Variants in RALYL observed in about 807,000 individuals in gnomAD.
The protein encoded by RALYL is RNA-binding Raly-like protein.
RALYL carries 29 observed loss-of-function variants against 35.1 expected under a neutral mutation model. The ratio of observed to expected loss-of-function variants is 0.83; its 90% CI spans 0.61 to 1.13. RALYL has a LOEUF of 1.13. Ranked by LOEUF, RALYL falls within the 50% of genes most tolerant of loss-of-function variation. The probability of loss-of-function intolerance (pLI) is 0.00; values close to 1 mark genes in which losing one functional copy is unlikely to be tolerated. For synonymous variants in RALYL, 120 were observed against 127.6 expected, an observed-to-expected ratio of 0.94 and a Z score of 0.40; for missense variants, 359 against 360.4, an observed-to-expected ratio of 1.00 and a Z score of 0.03.
intron 1 of RALYL, among the ~76,000 whole-genome samples, chr8:84,428,201 AATAT>A (rs1447014543): frequency 3.9e-5 from 6 of 151,952 alleles, no homozygotes; most frequent in Admixed American, 2.0e-4. Context: ...AACTCTATAG[AATAT>A]ATAAACTATT....
intron 1 of RALYL, among the ~76,000 whole-genome samples, chr8:84,284,054 G>T (rs1585925076): frequency 6.6e-6 from 1 of 152,138 alleles, no homozygotes; most frequent in African/African-American, 2.4e-5. Context: ...TTGTTGTAAA[G>T]ACTAAAGAAA....
chr8:84,662,456 A>G (rs1445572716), intron 2 of RALYL, among the ~76,000 whole-genome samples: 1 of 152,138 alleles, frequency 6.6e-6, no homozygotes, highest in Admixed American at 6.6e-5. Flanking sequence ...ATGTTTTTAG[A>G]TGTGATATAA....
intron 1 of RALYL, among the ~76,000 whole-genome samples, chr8:84,449,931 C>G (rs1394931619): frequency 6.6e-6 from 1 of 151,760 alleles, no homozygotes; most frequent in Non-Finnish European, 1.5e-5. Flanking sequence ...ACTAAGAAAT[C>G]TATAATTCAG....
chr8:84,364,027 AAGTTACCTAT>A (rs1563794217), intron 1 of RALYL, among the ~76,000 whole-genome samples: 1 of 152,110 alleles, frequency 6.6e-6, no homozygotes, highest in Non-Finnish European at 1.5e-5. Context: ...TCTACAACTC[AAGTTACCTAT>A]AGTCTTGTTA....
At chr8:84,791,798 AC>A (rs892936680) in intron 3 of RALYL, among the ~76,000 whole-genome samples, 2 of 152,200 alleles carry the variant, frequency 1.3e-5, no homozygotes, top group African/African-American at 2.4e-5. Flanking sequence ...TTAAAAAAAA[AC>A]ATTTTTGTCA....
intron 1 of RALYL, among the ~76,000 whole-genome samples, chr8:84,347,884 T>C (rs754253279): frequency 6.6e-6 from 1 of 152,076 alleles, no homozygotes; most frequent in African/African-American, 2.4e-5. Context: ...AATTCATGAG[T>C]TGGGCAGCAC....
intron 4 of RALYL, among the ~76,000 whole-genome samples, chr8:84,844,103 C>G (rs1015085394): frequency 6.6e-6 from 1 of 152,050 alleles, no homozygotes; most frequent in African/African-American, 2.4e-5. Flanking sequence ...GCAACAGAAG[C>G]CAAAATTGAC....
intron 4 of RALYL, among the ~76,000 whole-genome samples, chr8:84,807,405 C>T (rs1824902749): frequency 6.6e-6 from 1 of 152,122 alleles, no homozygotes; most frequent in Admixed American, 6.5e-5. Flanking sequence ...ATTTCTTTAT[C>T]CACTCTTTGA....
chr8:84,418,933 T>A (rs911185666), intron 1 of RALYL, among the ~76,000 whole-genome samples: 7 of 152,148 alleles, frequency 4.6e-5, no homozygotes, highest in African/African-American at 7.2e-5. Context: ...AGGCCTCCCA[T>A]GCATTGTCTA....
chr8:84,300,819 TG>T (rs1840631668), intron 1 of RALYL, among the ~76,000 whole-genome samples: 1 of 152,038 alleles, frequency 6.6e-6, no homozygotes, highest in African/African-American at 2.4e-5. Context: ...AGCATACAGT[TG>T]GGTCTTGTCC....
chr8:84,726,165 G>A (rs919716368), intron 2 of RALYL, among the ~76,000 whole-genome samples: 1 of 149,240 alleles, frequency 6.7e-6, no homozygotes, highest in African/African-American at 2.4e-5. Context: ...AACCTGCTCA[G>A]TGGTAATGTA....
At chr8:84,286,146 T>C (rs557845237) in intron 1 of RALYL, among the ~76,000 whole-genome samples, 2 of 152,216 alleles carry the variant, frequency 1.3e-5, no homozygotes, top group Admixed American at 1.3e-4. Flanking sequence ...ATGACTTGAA[T>C]GTTTTTTTTG....
chr8:84,215,191 C>A, intron 1 of RALYL, among the ~76,000 whole-genome samples: 1 of 151,994 alleles, frequency 6.6e-6, no homozygotes, highest in East Asian at 1.9e-4. Context: ...AAGTTCAATA[C>A]TACAACCAAA....
chr8:84,234,786 A>G (rs1475026778), intron 1 of RALYL, among the ~76,000 whole-genome samples: 1 of 148,454 alleles, frequency 6.7e-6, no homozygotes, highest in Non-Finnish European at 1.5e-5. Context: ...TTTTTTTGAG[A>G]TGGAGTCTCG....
At chr8:84,389,279 T>G (rs1422094324) in intron 1 of RALYL, among the ~76,000 whole-genome samples, 1 of 152,186 alleles carries the variant, frequency 6.6e-6, no homozygotes, top group African/African-American at 2.4e-5. Context: ...GGTAGCATGA[T>G]GCTTCCAGCT....
chr8:84,399,496 A>C (rs553757382), intron 1 of RALYL, among the ~76,000 whole-genome samples: 2 of 152,336 alleles, frequency 1.3e-5, no homozygotes, highest in African/African-American at 4.8e-5. Context: ...AACAATTTAC[A>C]TGCATTTATA....
At chr8:84,638,896 A>G (rs1825684892) in intron 2 of RALYL, among the ~76,000 whole-genome samples, 2 of 54,638 alleles carry the variant, frequency 3.7e-5, no homozygotes, top group South Asian at 2.2e-3. Context: ...ATATATATAT[A>G]TATATATATA....
chr8:84,715,276 AAG>A (rs987713865), intron 2 of RALYL, among the ~76,000 whole-genome samples: 1 of 151,838 alleles, frequency 6.6e-6, no homozygotes, highest in Non-Finnish European at 1.5e-5. Flanking sequence ...TAATTTACAT[AAG>A]AGAGCAATAA....
chr8:84,693,662 A>G (rs1272104450), intron 2 of RALYL, among the ~76,000 whole-genome samples: 1 of 151,986 alleles, frequency 6.6e-6, no homozygotes, highest in Non-Finnish European at 1.5e-5. Flanking sequence ...AGGCACTACA[A>G]GAAGAAAAAT....
Sources: gnomAD v4.1 joint callset for allele counts (sites outside exome capture counted in the v4.1 genomes callset) on GRCh38, gnomAD v4.1.1 for gene constraint, MANE v1.5 for transcripts, NCBI Gene and HGNC (gene_info 2026-07-23, HGNC 2026-07-21) for gene names.